NOTUM: variants seen among roughly 807,000 people sequenced by gnomAD.
NOTUM encodes palmitoleoyl-protein carboxylesterase NOTUM.
In NOTUM, 36 loss-of-function variants were observed where a neutral mutation model predicts 65.5. The ratio of observed to expected loss-of-function variants is 0.55; its 90% CI spans 0.42 to 0.73. NOTUM has a LOEUF of 0.73. NOTUM is among the 30% of genes least tolerant of loss of function. The pLI is 0.00. For missense variants in NOTUM, 659 were observed against 694.2 expected, an observed-to-expected ratio of 0.95 and a Z score of 0.57; for synonymous variants, 356 against 297.9, an observed-to-expected ratio of 1.20 and a Z score of -2.01.
intron 9 of NOTUM, among the ~76,000 whole-genome samples, chr17:81,954,869 G>A (rs1044657534): frequency 1.3e-5 from 2 of 152,068 alleles, no homozygotes; most frequent in Non-Finnish European, 1.5e-5. Context: ...CTGCTGCCTC[G>A]GCCTCCCAAA....
intron 9 of NOTUM, among the ~76,000 whole-genome samples, chr17:81,955,056 C>T (rs1034447885): frequency 6.6e-6 from 1 of 151,976 alleles, no homozygotes; most frequent in African/African-American, 2.4e-5. Context: ...TCTCAGCTCA[C>T]TGCAACCTCC....
At chr17:81,957,176 C>T in intron 6 of NOTUM, 102 bp from the exon 7 acceptor site, 1 of 888,858 alleles carries the variant, frequency 1.1e-6, no homozygotes, top group East Asian at 2.6e-5. Flanking sequence ...GGCAGGAGTC[C>T]TGATGCGTTC....
chr17:81,953,081 C>G lies in NOTUM; in HGVS notation c.1371G>C (p.Thr457=). ...PSCPTVRDQF[T]GQEMNVAQFL... is the part of the protein sequence containing the mutation. ...ACTGGGCCACGTTCATCTCTTGCCC[C>G]GTGAACTGGTCTCGGACGGTGGGGC... Residue 457 remains threonine, a synonymous_variant, in exon 11 of 11, where the codon ACG becomes ACC. Transcript: ENST00000409678. 1 of 1,613,972 alleles carries G rather than the reference C, an allele frequency of 6.2e-7. No individual in the cohort carries two copies. The highest frequency in any genetic ancestry group is 8.5e-7 in the Non-Finnish European group (1 of 1,179,944).
In NOTUM at chr17:81,960,875, C is replaced by A; in HGVS notation, c.35G>T (p.Ser12Ile). The change falls in exon 1 of 11, where the codon AGC becomes ATC. Residue 12 changes from serine (S) to isoleucine (I), a missense_variant. Physicochemically the swap from Ser to Ile is moderately radical, Grantham distance 142. Transcript: ENST00000409678. The surrounding 1 kb of genome is among the most constrained non-coding windows in gnomAD (Gnocchi z 6.4). ...GCTGCCCCCGGCGCAGTGCAGCAGG[C>A]TCAGCAGCAGCAGCACGCGCACCCC... Reference protein sequence around the residue: ...GRGVRVLLLLSLLHCAGGSEG... With the variant: ...GRGVRVLLLLILLHCAGGSEG... The A allele has an allele frequency of 1.4e-6, 2 of 1,407,542 alleles. No homozygotes were observed. The highest frequency in any genetic ancestry group is 3.1e-5 in the South Asian group (2 of 65,340). The allele number at this position is 1,407,542 out of a possible 1,614,324, so 87.2% of individuals were successfully genotyped here. A position where few individuals can be genotyped will look rare whatever the true frequency, so the allele number is the denominator to read the frequency against.
In NOTUM at chr17:81,960,968, A is replaced by G. The variant is rs567208374; in HGVS notation, c.-59T>C. ...GAGGCGGCGGCGGCGGCGGCGGGGG[A>G]TGCCGGGCCGGGGGTGCCGGGCCGG... On this transcript the variant is annotated 5_prime_UTR_variant, in exon 1 of 11. Coordinates refer to ENST00000409678, the MANE Select transcript of NOTUM (RefSeq NM_178493.6). The surrounding 1 kb of genome is among the most constrained non-coding windows in gnomAD (Gnocchi z 6.4). 9.9e-7 allele frequency: 1 copy of G among 1,006,734 alleles called. No individual in the cohort carries two copies. The highest frequency in any genetic ancestry group is 1.2e-6 in the Non-Finnish European group (1 of 802,324). 62.4% of individuals were successfully genotyped at this position (1,006,734 alleles called of 1,614,324 possible). A position where few individuals can be genotyped will look rare whatever the true frequency, so the allele number is the denominator to read the frequency against.
At chr17:81,958,771 G>A (rs1321088304) in intron 4 of NOTUM, among the ~76,000 whole-genome samples, 164 bp downstream of exon 4, 4 of 151,614 alleles carry the variant, frequency 2.6e-5, no homozygotes, top group East Asian at 1.9e-4. Context: ...CACCACGAAA[G>A]AAACACCTCC....
rs148520324 is a variant in NOTUM at position 81,959,103 on chromosome 17, G to A, written c.473-108C>T. 3.5e-4 allele frequency: 321 copies of A among 923,662 alleles called. 2 individuals carry two copies. The East Asian group carries it at 5.2e-3, about 15-fold the overall frequency. The allele number at this position is 923,662 out of a possible 1,614,324, so 57.2% of individuals were successfully genotyped here. ...GCTCCTACTTGGCCCCAGGAAGGGAGGTGTGCTGGTGTTGCTAGCCCGAAC... is the reference window on the plus strand; with the variant it reads ...GCTCCTACTTGGCCCCAGGAAGGGAAGTGTGCTGGTGTTGCTAGCCCGAAC... On this transcript the variant is annotated intron_variant, in intron 3 of 10. Transcript: ENST00000409678.
At position 81,959,473 on chromosome 17, in the gene NOTUM, G is replaced by C; in HGVS notation, c.470C>G (p.Thr157Arg). 6.5e-7 allele frequency: 1 copy of C among 1,546,496 alleles called. No individual in the cohort carries two copies. The highest frequency in any genetic ancestry group is 2.4e-5 in the East Asian group (1 of 40,870). Reference protein sequence around the residue: ...MSSRDWPRTRTGTGILSSQPE... With the variant: ...MSSRDWPRTRRGTGILSSQPE... ...CTTCCCCAGGGCCCGCCGCTGACCTGTGCGAGTGCGCGGCCAGTCCCGGGA... is the reference window on the plus strand; with the variant it reads ...CTTCCCCAGGGCCCGCCGCTGACCTCTGCGAGTGCGCGGCCAGTCCCGGGA... The change falls in exon 3 of 11, where the codon ACA becomes AGA. Residue 157 changes from threonine to arginine, a missense_variant and splice_region_variant. Transcript: ENST00000409678.
rs774167126 is a variant in NOTUM at position 81,956,918 on chromosome 17, C to G, written c.852G>C (p.Thr284=). Reference sequence around the variant, plus strand: ...GGCGGATGGCCTCCGTGGGCGCGCACGTGATCGTGTCGACGCAGTCTGTGT... The same window carrying G: ...GGCGGATGGCCTCCGTGGGCGCGCAGGTGATCGTGTCGACGCAGTCTGTGT... ...YRHTDCVDTI[T]CAPTEAIRRG... is the part of the protein sequence containing the mutation. The change falls in exon 7 of 11, where the codon ACG becomes ACC. Residue 284 remains threonine (T), a synonymous_variant. Transcript: ENST00000409678. The G allele has an allele frequency of 1.9e-6, 3 of 1,612,406 alleles. No homozygotes were observed. The African/African-American group carries it at 4.0e-5, about 22-fold the overall frequency.
chr17:81,957,181 G>A, intron 6 of NOTUM, 107 bp from the exon 7 acceptor site: 2 of 889,226 alleles, frequency 2.2e-6, no homozygotes, highest in Non-Finnish European at 3.4e-6. Flanking sequence ...GAGTCCTGAT[G>A]CGTTCTGAAC....
chr17:81,954,382 C>G (rs950151792), intron 9 of NOTUM, 79 bp from the exon 10 acceptor site: 40 of 991,162 alleles, frequency 4.0e-5, no homozygotes, highest in Non-Finnish European at 6.0e-5. Context: ...TAGAGCTGTC[C>G]CCCGCCTGGC....
At chr17:81,955,255 A>G (rs562924893) in intron 9 of NOTUM, 142 bp downstream of exon 9, 39 of 720,658 alleles carry the variant, frequency 5.4e-5, no homozygotes, top group South Asian at 5.2e-4. Context: ...TGCTGGGATT[A>G]TAGGTGTGAG....
intron 1 of NOTUM, among the ~76,000 whole-genome samples, chr17:81,959,962 G>A (rs1400190382): frequency 1.3e-5 from 2 of 151,754 alleles, no homozygotes; most frequent in Non-Finnish European, 2.9e-5. Context: ...TCACCTCGGC[G>A]CGGGCGGCGG....
chr17:81,957,937 A>T (rs1208160974), intron 5 of NOTUM, 29 bp from the exon 6 acceptor site: 16 of 1,507,810 alleles, frequency 1.1e-5, no homozygotes, highest in Non-Finnish European at 1.5e-5. Context: ...GGCCTCAGGT[A>T]GGGGCCTGGA....
Position 81,960,728 on chromosome 17 carries a change from C to T in NOTUM, c.182G>A (p.Gly61Asp), listed in dbSNP as rs773783101. Reference sequence around the variant, plus strand: ...TTGCGCCATGAAGCTGTCCATGTTACCCTCCACGGCCGTGAAGTCCAGCGG... The same window carrying T: ...TTGCGCCATGAAGCTGTCCATGTTATCCTCCACGGCCGTGAAGTCCAGCGG... The part of the protein sequence containing the change: ...SFPLDFTAVE[G>D]NMDSFMAQVK... Residue 61 changes from glycine to aspartate, a missense_variant, in exon 1 of 11, where the codon GGT (glycine) becomes GAT (aspartate). Physicochemically the swap from Gly to Asp is moderately conservative, Grantham distance 94 (BLOSUM62 -1). Coordinates refer to ENST00000409678, the MANE Select transcript of NOTUM (RefSeq NM_178493.6). This position sits in a 1 kb window ranked among gnomAD's most constrained non-coding sequence, Gnocchi z 6.4. The T allele has an allele frequency of 1.1e-5, 17 of 1,601,876 alleles. No homozygotes were observed. The highest frequency in any genetic ancestry group is 2.3e-5 in the East Asian group (1 of 44,438).
Position 81,953,095 on chromosome 17 carries a change from G to A in NOTUM, c.1357C>T (p.Arg453Ter), listed in dbSNP as rs746437719. The A allele has an allele frequency of 1.5e-5, 24 of 1,613,840 alleles. No individual in the cohort carries two copies. Among genetic ancestry groups the A allele is most frequent in the Admixed American group, 6.7e-5 (4 of 60,000 alleles). Residue 453 changes from arginine (R) to a stop codon, truncating the protein, a stop_gained, in exon 11 of 11, where the codon CGA becomes TGA. Transcript: ENST00000409678. LOFTEE classifies it high-confidence loss of function. ...ATCTCTTGCCCCGTGAACTGGTCTCGGACGGTGGGGCATGAGGGGTTGCAG... is the reference window on the plus strand; with the variant it reads ...ATCTCTTGCCCCGTGAACTGGTCTCAGACGGTGGGGCATGAGGGGTTGCAG... ...PHCNPSCPTV[R>*]DQFTGQEMNV...
intron 10 of NOTUM, 51 bp from the exon 11 acceptor site, chr17:81,953,318 A>C: frequency 8.1e-7 from 1 of 1,227,286 alleles, no homozygotes; most frequent in African/African-American, 1.5e-5. Flanking sequence ...TGGCATCAAC[A>C]CTGAGGCAGC....
rs750640665 is a variant in NOTUM, at chr17:81,953,152, C to T, written c.1300G>A (p.Val434Ile). The T allele has an allele frequency of 1.7e-4, 271 of 1,612,992 alleles. 3 individuals carry two copies. The South Asian group carries it at 2.4e-3, about 14-fold the overall frequency. The change falls in exon 11 of 11, where the codon GTC (valine) becomes ATC (isoleucine). Residue 434 changes from valine (V) to isoleucine (I), a missense_variant. Val to Ile is a conservative substitution (Grantham distance 29). Transcript: ENST00000409678. ...CAGGGGCAGCTGTCCACCAGGTGGA[C>T]GGGGCAGCCCTTGAGGGGGGTCTTG... ...ASKTPLKGCP[V>I]HLVDSCPWPH...
intron 4 of NOTUM, 61 bp from the exon 5 acceptor site, chr17:81,958,454 G>A: frequency 1.7e-6 from 2 of 1,152,328 alleles, no homozygotes; most frequent in African/African-American, 1.5e-5. Context: ...CTCCAGAAAG[G>A]ACCCCCAGAA....
Sources: allele counts gnomAD v4.1 joint callset (sites outside exome capture counted in the v4.1 genomes callset), GRCh38; gene constraint gnomAD v4.1.1; non-coding constraint Gnocchi (gnomAD v3.1); transcripts MANE v1.5; gene names NCBI Gene and HGNC (gene_info 2026-07-23, HGNC 2026-07-21).